The following ADAMTS6 variants were observed in gnomAD, a reference collection of about 807,000 sequenced individuals.
The protein encoded by ADAMTS6 is ADAM metallopeptidase with thrombospondin type 1 motif 6, also known as A disintegrin and metalloproteinase with thrombospondin motifs 6.
In ADAMTS6, 23 loss-of-function variants were observed where a neutral mutation model predicts 144.3. That is an observed-to-expected ratio of 0.16 (90% CI 0.11 to 0.23). The LOEUF (loss-of-function observed/expected upper bound fraction) is 0.23. ADAMTS6 is among the 10% of genes least tolerant of loss of function. The probability of loss-of-function intolerance (pLI) is 1.00; values close to 1 mark genes in which losing one functional copy is unlikely to be tolerated. For missense variants in ADAMTS6, 999 were observed against 1,379.6 expected (o/e 0.72, Z 4.37); for synonymous variants, 444 against 457.5 (o/e 0.97, Z 0.38).
intron 7 of ADAMTS6, among the ~76,000 whole-genome samples, chr5:65,440,410 C>A (rs879820118): frequency 6.6e-6 from 1 of 152,152 alleles, no homozygotes; most frequent in Non-Finnish European, 1.5e-5. Context: ...CAGCTTACTA[C>A]CTTGAGAAAT....
chr5:65,322,981 G>C (rs187771561), intron 9 of ADAMTS6, among the ~76,000 whole-genome samples: 7 of 152,180 alleles, frequency 4.6e-5, no homozygotes, highest in Non-Finnish European at 5.9e-5. Context: ...AATGCTTCTA[G>C]CTTTAGCCCA....
intron 7 of ADAMTS6, among the ~76,000 whole-genome samples, chr5:65,345,777 G>A (rs1166207872): frequency 6.6e-6 from 1 of 151,676 alleles, no homozygotes; most frequent in Non-Finnish European, 1.5e-5. Flanking sequence ...ATCTTTCTCA[G>A]TGTAGCTGTA....
intron 7 of ADAMTS6, among the ~76,000 whole-genome samples, chr5:65,439,738 T>C (rs931406180): frequency 6.6e-6 from 1 of 152,194 alleles, no homozygotes; most frequent in African/African-American, 2.4e-5. Flanking sequence ...TAAATAATAG[T>C]ACTGTATCAA....
At chr5:65,152,245 A>T (rs1055638088) in intron 24 of ADAMTS6, among the ~76,000 whole-genome samples, 1 of 152,230 alleles carries the variant, frequency 6.6e-6, no homozygotes, top group African/African-American at 2.4e-5. Context: ...TTGCTAGGAT[A>T]AGTGATCACT....
At chr5:65,167,518 C>G (rs1435754886) in intron 24 of ADAMTS6, among the ~76,000 whole-genome samples, 1 of 150,062 alleles carries the variant, frequency 6.7e-6, no homozygotes, top group Non-Finnish European at 1.5e-5. Flanking sequence ...AGGGAATCCT[C>G]CCTAACTCAT....
At chr5:65,210,578 C>G (rs1429518886) in intron 20 of ADAMTS6, 3 of 547,608 alleles carry the variant, frequency 5.5e-6, no homozygotes, top group Non-Finnish European at 9.7e-6. Context: ...CTTGCCAGAA[C>G]TACCACTGGC....
At chr5:65,417,448 C>T (rs1318544050) in intron 7 of ADAMTS6, among the ~76,000 whole-genome samples, 1 of 152,094 alleles carries the variant, frequency 6.6e-6, no homozygotes, top group Non-Finnish European at 1.5e-5. Context: ...TATCTCTGCG[C>T]ATAGGATGAT....
chr5:65,274,051 G>A (rs1409608733), intron 11 of ADAMTS6, among the ~76,000 whole-genome samples: 1 of 152,066 alleles, frequency 6.6e-6, no homozygotes, highest in Non-Finnish European at 1.5e-5. Flanking sequence ...AAGGAAACTT[G>A]GTTTTGAACA....
chr5:65,220,393 G>A (rs766384112), intron 18 of ADAMTS6, among the ~76,000 whole-genome samples: 2 of 152,080 alleles, frequency 1.3e-5, no homozygotes, highest in Non-Finnish European at 2.9e-5. Flanking sequence ...ATCTTGAGAA[G>A]CTAGAAAAAA....
At chr5:65,201,395 T>C (rs1176522248) in intron 20 of ADAMTS6, among the ~76,000 whole-genome samples, 1 of 152,212 alleles carries the variant, frequency 6.6e-6, no homozygotes, top group Non-Finnish European at 1.5e-5. Flanking sequence ...TATTTGGCAA[T>C]ATATTGCTTT....
At chr5:65,399,617 T>C (rs1005418134) in intron 7 of ADAMTS6, among the ~76,000 whole-genome samples, 3 of 152,176 alleles carry the variant, frequency 2.0e-5, no homozygotes, top group African/African-American at 7.2e-5. Context: ...TACTGCTTCA[T>C]AGGTAGTGTA....
intron 21 of ADAMTS6, 88 bp downstream of exon 21, chr5:65,196,934 T>C: frequency 4.8e-6 from 7 of 1,452,398 alleles, no homozygotes; most frequent in Non-Finnish European, 6.4e-6. Context: ...TTTATTCTCA[T>C]CATATAAATA....
intron 3 of ADAMTS6, among the ~76,000 whole-genome samples, chr5:65,466,284 C>T (rs1362991274): frequency 6.6e-6 from 1 of 152,190 alleles, no homozygotes; most frequent in Non-Finnish European, 1.5e-5. Flanking sequence ...CTCTTGGCTA[C>T]AGCCACGTGA....
intron 7 of ADAMTS6, among the ~76,000 whole-genome samples, chr5:65,373,882 CAGCAGCACATCAAAA>C (rs1751235436): frequency 6.6e-6 from 1 of 152,090 alleles, no homozygotes; most frequent in East Asian, 1.9e-4. Flanking sequence ...AAACCGAATC[CAGCAGCACATCAAAA>C]AGCTTATCTG....
chr5:65,151,730 G>A lies in ADAMTS6; in HGVS notation c.*106C>T, dbSNP rs1752146150. The A allele has an allele frequency of 3.1e-6, 3 of 963,168 alleles. No homozygotes were observed. The highest frequency in any genetic ancestry group is 4.9e-6 in the Non-Finnish European group (3 of 618,514). 59.7% of individuals were successfully genotyped at this position (963,168 alleles called of 1,614,324 possible). A position where few individuals can be genotyped will look rare whatever the true frequency, so the allele number is the denominator to read the frequency against. ...TGACCAGTGGTTACGTTTTCCACAGGGTAATGCATTTGCAAGGACATCAAT... is the reference window on the plus strand; with the variant it reads ...TGACCAGTGGTTACGTTTTCCACAGAGTAATGCATTTGCAAGGACATCAAT... On this transcript the variant is annotated 3_prime_UTR_variant, in exon 25 of 25. Coordinates refer to ENST00000381055, the MANE Select transcript of ADAMTS6 (RefSeq NM_197941.4).
rs569947077 is a variant in ADAMTS6, at chr5:65,290,067, C to A, written c.1512+1262G>T. ...TCACACACAATCTTTCAAGCTAGTGCACAAATGTGCTGCTAAAGCCTAACA... is the reference window on the plus strand; with the variant it reads ...TCACACACAATCTTTCAAGCTAGTGAACAAATGTGCTGCTAAAGCCTAACA... On this transcript the variant is annotated intron_variant, in intron 11 of 24. Coordinates refer to ENST00000381055, the MANE Select transcript of ADAMTS6 (RefSeq NM_197941.4). Among the ~76,000 whole-genome samples the A allele has an allele frequency of 3.3e-4, 50 of 152,228 alleles. 1 individual carries two copies. The South Asian group carries it at 0.01, about 31-fold the overall frequency.
At chr5:65,367,153 T>C (rs1447025786) in intron 7 of ADAMTS6, among the ~76,000 whole-genome samples, 1 of 152,184 alleles carries the variant, frequency 6.6e-6, no homozygotes, top group Non-Finnish European at 1.5e-5. Flanking sequence ...AAAAACTGAA[T>C]AACAGCTCAC....
At chr5:65,227,891 T>C (rs1203474726) in intron 15 of ADAMTS6, among the ~76,000 whole-genome samples, 1 of 152,168 alleles carries the variant, frequency 6.6e-6, no homozygotes, top group Non-Finnish European at 1.5e-5. Flanking sequence ...TAGATAAAAA[T>C]TGGTCCCTAA....
intron 11 of ADAMTS6, among the ~76,000 whole-genome samples, chr5:65,275,448 G>GAGAA (rs201699293): frequency 4.7e-5 from 7 of 149,990 alleles, no homozygotes; most frequent in South Asian, 2.1e-4. Flanking sequence ...AAAAAAGAAA[G>GAGAA]AGAAAGAAAG....
Sources: allele counts gnomAD v4.1 joint callset (sites outside exome capture counted in the v4.1 genomes callset), GRCh38; gene constraint gnomAD v4.1.1; transcripts MANE v1.5; gene names NCBI Gene and HGNC (gene_info 2026-07-23, HGNC 2026-07-21).